GRAMD2B: variants seen among roughly 807,000 people sequenced by gnomAD.
The protein encoded by GRAMD2B is GRAM domain containing 2B, also known as GRAM domain-containing protein 2B.
A neutral mutation model predicts 59.2 loss-of-function variants in GRAMD2B; 41 were observed. That is an observed-to-expected ratio of 0.69 (90% confidence interval 0.54 to 0.90). GRAMD2B has a LOEUF of 0.90. Among genes scored for constraint, GRAMD2B ranks in the 40% least tolerant of loss-of-function variants. The probability of loss-of-function intolerance (pLI) is 0.00; values close to 1 mark genes in which losing one functional copy is unlikely to be tolerated. For synonymous variants in GRAMD2B, 161 were observed against 182.7 expected (o/e 0.88, Z 0.96); for missense variants, 424 against 500.5 (o/e 0.85, Z 1.46).
chr5:126,450,109 G>A (rs953557609), intron 1 of GRAMD2B, among the ~76,000 whole-genome samples: 4 of 151,916 alleles, frequency 2.6e-5, no homozygotes, highest in Admixed American at 2.6e-4. Context: ...AGGAAATGAA[G>A]GGTATAGGAG....
upstream of GRAMD2B, among the ~76,000 whole-genome samples, chr5:126,420,560 C>T (rs1759639011): frequency 6.6e-6 from 1 of 152,204 alleles, no homozygotes; most frequent in Admixed American, 6.5e-5. Context: ...ATACCATGCA[C>T]TAAAGAACTT....
intron 1 of GRAMD2B, among the ~76,000 whole-genome samples, chr5:126,407,196 G>A (rs577587103): frequency 6.6e-6 from 1 of 152,104 alleles, no homozygotes; most frequent in African/African-American, 2.4e-5. Context: ...CCAAGGTTTT[G>A]GTTCATTAGG....
intron 1 of GRAMD2B, among the ~76,000 whole-genome samples, chr5:126,438,214 G>A (rs1464595689): frequency 2.6e-5 from 4 of 152,176 alleles, no homozygotes; most frequent in Non-Finnish European, 5.9e-5. Context: ...AGAAAAGAGA[G>A]AAAGGTAAAT....
At chr5:126,415,339 T>C (rs1038762541) in intron 1 of GRAMD2B, among the ~76,000 whole-genome samples, 1 of 152,228 alleles carries the variant, frequency 6.6e-6, no homozygotes, top group Admixed American at 6.5e-5. Flanking sequence ...AGGTTCTGTG[T>C]GTGCATGTAT....
chr5:126,406,216 CTT>C (rs991809549), intron 1 of GRAMD2B, among the ~76,000 whole-genome samples: 47 of 151,986 alleles, frequency 3.1e-4, no homozygotes, highest in African/African-American at 1.1e-3. Flanking sequence ...AAGTTTGAGG[CTT>C]TTCTTTTTAC....
Position 126,423,685 on chromosome 5 carries a change from G to A in GRAMD2B, c.79G>A (p.Ala27Thr). The A allele has an allele frequency of 6.2e-7, 1 of 1,606,534 alleles. No individual in the cohort carries two copies. The highest frequency in any genetic ancestry group is 8.5e-7 in the Non-Finnish European group (1 of 1,177,024). Residue 27 changes from alanine to threonine, a missense_variant, in exon 1 of 14, where the codon GCC becomes ACC. Physicochemically the swap from Ala to Thr is moderately conservative, Grantham distance 58 (BLOSUM62 0). Transcript: ENST00000285689. ...LGKRESKLGS[A>T]HSEAENGVEE... Reference sequence around the variant, plus strand: ...GAAGAGGGAGAGCAAACTTGGCTCAGCCCAGTGAGTATTCTCAGCTGGGAC... The same window carrying A: ...GAAGAGGGAGAGCAAACTTGGCTCAACCCAGTGAGTATTCTCAGCTGGGAC...
chr5:126,434,131 TAAC>T (rs914914047), intron 1 of GRAMD2B: 2 of 152,204 alleles, frequency 1.3e-5, no homozygotes, highest in South Asian at 2.1e-4. Flanking sequence ...TGGCAATACT[TAAC>T]AAACTAATTT....
At chr5:126,480,817 T>C (rs1032329134) in intron 8 of GRAMD2B, 110 bp downstream of exon 8, 10 of 866,298 alleles carry the variant, frequency 1.2e-5, no homozygotes, top group Non-Finnish European at 1.9e-5. Context: ...GACCAAAATA[T>C]TTGAGGTACA....
intron 6 of GRAMD2B, among the ~76,000 whole-genome samples, chr5:126,479,197 C>CT (rs1771231825): frequency 6.6e-6 from 1 of 151,856 alleles, no homozygotes; most frequent in Admixed American, 6.6e-5. Context: ...CTCCTTTTTC[C>CT]TTTTTTATTT....
chr5:126,382,594 C>A (rs1357129181), intron 1 of GRAMD2B, among the ~76,000 whole-genome samples: 1 of 152,042 alleles, frequency 6.6e-6, no homozygotes, highest in East Asian at 1.9e-4. Context: ...CTGACCATAT[C>A]CTGTAACATT....
At chr5:126,456,606 C>G (rs139372222) in intron 1 of GRAMD2B, among the ~76,000 whole-genome samples, 1 of 152,124 alleles carries the variant, frequency 6.6e-6, no homozygotes, top group Non-Finnish European at 1.5e-5. Context: ...AGTATTAAAC[C>G]TTATCTCTCA....
Position 126,486,936 on chromosome 5 carries a change from G to T in GRAMD2B, c.1122G>T (p.Gln374His). The change falls in exon 12 of 14, where the codon CAG becomes CAT. Residue 374 changes from glutamine to histidine, a missense_variant. By Grantham distance (24) the Gln-to-His change is conservative. Transcript: ENST00000285689. Reference protein sequence around the residue: ...MRYRINTLEEQLGLLTSIVDT... With the variant: ...MRYRINTLEEHLGLLTSIVDT... Reference sequence around the variant, plus strand: ...ACAGAATTAATACTCTGGAGGAGCAGCTGGGGTTACTAACCTCCATTGTGG... The same window carrying T: ...ACAGAATTAATACTCTGGAGGAGCATCTGGGGTTACTAACCTCCATTGTGG... 1 of 1,612,060 alleles carries T rather than the reference G, an allele frequency of 6.2e-7. No homozygotes were observed. The highest frequency in any genetic ancestry group is 1.1e-5 in the South Asian group (1 of 91,014).
At chr5:126,411,894 T>C (rs1351788065) in intron 1 of GRAMD2B, among the ~76,000 whole-genome samples, 1 of 146,682 alleles carries the variant, frequency 6.8e-6, no homozygotes, top group Non-Finnish European at 1.5e-5. Flanking sequence ...ATTGCATTCT[T>C]GATTTGGCTC....
At chr5:126,450,980 T>C (rs1765252666) in intron 1 of GRAMD2B, among the ~76,000 whole-genome samples, 1 of 152,182 alleles carries the variant, frequency 6.6e-6, no homozygotes, top group African/African-American at 2.4e-5. Flanking sequence ...CCACACAGAG[T>C]GCCCAACAGG....
upstream of GRAMD2B, among the ~76,000 whole-genome samples, chr5:126,422,558 T>A (rs1259758866): frequency 6.6e-6 from 1 of 152,212 alleles, no homozygotes; most frequent in Non-Finnish European, 1.5e-5. Flanking sequence ...ATTTTATGTG[T>A]GGCCCAAGAC....
At chr5:126,400,146 A>T (rs1305502965) in intron 1 of GRAMD2B, among the ~76,000 whole-genome samples, 1 of 152,012 alleles carries the variant, frequency 6.6e-6, no homozygotes, top group Non-Finnish European at 1.5e-5. Flanking sequence ...ATTTAAAGAC[A>T]CACATGAAAG....
At chr5:126,390,076 T>TTTTTATATA (rs1756594019) in intron 1 of GRAMD2B, among the ~76,000 whole-genome samples, 1 of 152,238 alleles carries the variant, frequency 6.6e-6, no homozygotes, top group Admixed American at 6.5e-5. Context: ...TAAAAATTAC[T>TTTTTATATA]GAAAGATGTC....
At chr5:126,382,488 C>T (rs779044799) in intron 1 of GRAMD2B, among the ~76,000 whole-genome samples, 17 of 152,142 alleles carry the variant, frequency 1.1e-4, no homozygotes, top group Admixed American at 3.3e-4. Flanking sequence ...ATTGTTGAGA[C>T]ATTCCAGTGT....
At chr5:126,483,771 C>T in intron 9 of GRAMD2B, 197 bp downstream of exon 9, 1 of 537,356 alleles carries the variant, frequency 1.9e-6, no homozygotes, top group Non-Finnish European at 3.3e-6. Flanking sequence ...GGTAAAAATT[C>T]ATTTGCTTTT....
Sources: allele counts gnomAD v4.1 joint callset (sites outside exome capture counted in the v4.1 genomes callset), GRCh38; gene constraint gnomAD v4.1.1; transcripts MANE v1.5; gene names NCBI Gene and HGNC (gene_info 2026-07-23, HGNC 2026-07-21).